Variants in UBQLN1 observed in about 807,000 individuals in gnomAD.
UBQLN1 encodes the protein ubiquilin-1.
A neutral mutation model predicts 65.4 loss-of-function variants in UBQLN1; 13 were observed. The observed-to-expected ratio is 0.20, with a 90% CI of 0.13 to 0.32. UBQLN1 has a LOEUF of 0.32. Ranked by LOEUF, UBQLN1 falls within the 10% of genes least tolerant of loss-of-function variation. The pLI, the probability that UBQLN1 is intolerant of heterozygous loss-of-function variation, is 1.00. For missense variants in UBQLN1, 561 were observed against 724.0 expected, an observed-to-expected ratio of 0.77 and a Z score of 2.58; for synonymous variants, 267 against 247.8, an observed-to-expected ratio of 1.08 and a Z score of -0.73.
chr9:83,666,955 C>T (rs1376648086), intron 7 of UBQLN1: 1 of 152,300 alleles, frequency 6.6e-6, no homozygotes, highest in African/African-American at 2.4e-5. Flanking sequence ...AAAAAAATAA[C>T]ACCGCAAAAC....
intron 2 of UBQLN1, among the ~76,000 whole-genome samples, 186 bp from the exon 3 acceptor site, chr9:83,683,252 C>G (rs1378009423): frequency 6.6e-6 from 1 of 151,736 alleles, no homozygotes; most frequent in African/African-American, 2.4e-5. Flanking sequence ...CTCTACTAAA[C>G]ATACAAAAAA....
At chr9:83,697,548 T>G (rs546132530) in intron 1 of UBQLN1, among the ~76,000 whole-genome samples, 2 of 68,072 alleles carry the variant, frequency 2.9e-5, no homozygotes, top group African/African-American at 1.6e-4. Flanking sequence ...CAAGACACTG[T>G]CTCAAAAAAA....
intron 3 of UBQLN1, among the ~76,000 whole-genome samples, chr9:83,682,178 G>T (rs757733212): frequency 6.6e-6 from 1 of 151,996 alleles, no homozygotes; most frequent in African/African-American, 2.4e-5. Flanking sequence ...CCAGCTACTC[G>T]GGAGGCTGAG....
Position 83,683,167 on chromosome 9 carries a change from C to A in UBQLN1, c.333-101G>T, listed in dbSNP as rs1831974891. On this transcript the variant is annotated intron_variant, in intron 2 of 10. Coordinates refer to ENST00000376395, the MANE Select transcript of UBQLN1 (RefSeq NM_013438.5). Reference sequence around the variant, plus strand: ...GTGGCTCACGCCTGTAATCCCAGCACTTTGGGAGGCCGAAGCTGGCTGATC... The same window carrying A: ...GTGGCTCACGCCTGTAATCCCAGCAATTTGGGAGGCCGAAGCTGGCTGATC... 6 of 694,174 alleles carry A rather than the reference C, an allele frequency of 8.6e-6. 1 individual carries two copies. The highest frequency in any genetic ancestry group is 1.4e-5 in the Non-Finnish European group (6 of 418,982). The allele number at this position is 694,174 out of a possible 1,614,324, so 43.0% of individuals were successfully genotyped here. A position where few individuals can be genotyped will look rare whatever the true frequency, so the allele number is the denominator to read the frequency against.
At position 83,679,804 on chromosome 9, in the gene UBQLN1, T is replaced by C; in HGVS notation, c.682A>G (p.Met228Val). The C allele has an allele frequency of 6.2e-7, 1 of 1,614,144 alleles. No homozygotes were observed. The highest frequency in any genetic ancestry group is 2.2e-5 in the East Asian group (1 of 44,878). The change falls in exon 4 of 11, where the codon ATG becomes GTG. Residue 228 changes from methionine (M) to valine (V), a missense_variant. By Grantham distance (21) the Met-to-Val change is conservative (BLOSUM62 1). Around this residue, in one of 8 missense-constraint regions of UBQLN1, gnomAD observed 75 missense variants for 138.9 expected, o/e 0.54. Coordinates refer to ENST00000376395, the MANE Select transcript of UBQLN1 (RefSeq NM_013438.5). ...CTCATTATATCTGGATTATTCAACATATGACTAATTTCTGGATTTCTCTGT... is the reference window on the plus strand; with the variant it reads ...CTCATTATATCTGGATTATTCAACACATGACTAATTTCTGGATTTCTCTGT... ...LIQRNPEISH[M>V]LNNPDIMRQT...
At chr9:83,682,395 C>T (rs533752273) in intron 3 of UBQLN1, among the ~76,000 whole-genome samples, 17 of 151,744 alleles carry the variant, frequency 1.1e-4, no homozygotes, top group Non-Finnish European at 2.2e-4. Flanking sequence ...AGCAGGACAC[C>T]GTAAGCCAGG....
At chr9:83,666,538 GGGA>G in intron 7 of UBQLN1, 105 bp from the exon 8 acceptor site, 1 of 1,018,436 alleles carries the variant, frequency 9.8e-7, no homozygotes, top group Non-Finnish European at 1.5e-6. Context: ...GCACTTAAAA[GGGA>G]GGAAGGTAGA....
chr9:83,662,269 C>A (rs7030866), intron 10 of UBQLN1, among the ~76,000 whole-genome samples: 2 of 114,578 alleles, frequency 1.7e-5, no homozygotes, highest in African/African-American at 7.7e-5. Flanking sequence ...TATACATATA[C>A]ATATACACAC....
At chr9:83,669,084 A>T in intron 7 of UBQLN1, 101 bp downstream of exon 7, 1 of 1,362,982 alleles carries the variant, frequency 7.3e-7, no homozygotes, top group Non-Finnish European at 9.8e-7. Flanking sequence ...CTAGTGTATT[A>T]AGATATCATA....
chr9:83,667,232 T>C (rs944937025), intron 7 of UBQLN1: 1 of 152,186 alleles, frequency 6.6e-6, no homozygotes, highest in African/African-American at 2.4e-5. Flanking sequence ...AAGATTAAAA[T>C]ACACAAGGAG....
chr9:83,671,909 A>T (rs1279643828), intron 6 of UBQLN1, among the ~76,000 whole-genome samples: 3 of 152,222 alleles, frequency 2.0e-5, no homozygotes, highest in Non-Finnish European at 4.4e-5. Context: ...CACCTACATT[A>T]AAAACTGGTT....
intron 7 of UBQLN1, 83 bp from the exon 8 acceptor site, chr9:83,666,516 G>C: frequency 7.3e-7 from 1 of 1,367,840 alleles, no homozygotes; most frequent in South Asian, 1.2e-5. Context: ...CTTCCCCCAA[G>C]TGCCTCAGCT....
intron 1 of UBQLN1, among the ~76,000 whole-genome samples, chr9:83,700,370 T>C (rs1466016162): frequency 6.6e-6 from 1 of 152,106 alleles, no homozygotes; most frequent in Non-Finnish European, 1.5e-5. Flanking sequence ...TCAGTAAAGG[T>C]TCAACAATAA....
At chr9:83,673,580 A>AAAAAAAAC (rs1554727531) in intron 6 of UBQLN1, among the ~76,000 whole-genome samples, 1 of 109,562 alleles carries the variant, frequency 9.1e-6, no homozygotes, top group African/African-American at 4.1e-5. Flanking sequence ...AAAAAAAAAA[A>AAAAAAAAC]CTGCGCTTAC....
At chr9:83,666,714 C>T (rs1311737728) in intron 7 of UBQLN1, 2 of 289,110 alleles carry the variant, frequency 6.9e-6, no homozygotes, top group Non-Finnish European at 1.3e-5. Context: ...TTAGGCTTTT[C>T]CTTGAACAAA....
intron 1 of UBQLN1, among the ~76,000 whole-genome samples, chr9:83,703,031 C>T (rs114701197): frequency 1.8e-4 from 27 of 152,214 alleles, no homozygotes; most frequent in Middle Eastern, 3.4e-3. Flanking sequence ...AGAAGTTACA[C>T]AGAAACTCCC....
intron 1 of UBQLN1, among the ~76,000 whole-genome samples, chr9:83,690,565 T>C (rs1587656406): frequency 6.6e-6 from 1 of 152,262 alleles, no homozygotes; most frequent in East Asian, 1.9e-4. Context: ...AAGTTGGCTG[T>C]GAACTTTTAA....
chr9:83,674,124 T>C (rs947984598), intron 6 of UBQLN1, among the ~76,000 whole-genome samples: 1 of 151,558 alleles, frequency 6.6e-6, no homozygotes, highest in African/African-American at 2.4e-5. Context: ...TGTTGTTCAG[T>C]ATACTACTAC....
intron 6 of UBQLN1, among the ~76,000 whole-genome samples, chr9:83,672,518 G>C (rs1382367851): frequency 6.6e-6 from 1 of 152,204 alleles, no homozygotes; most frequent in Admixed American, 6.5e-5. Context: ...GACCCAAGAA[G>C]AGGAAGAGAG....
Sources: gnomAD v4.1 joint callset for allele counts (sites outside exome capture counted in the v4.1 genomes callset) on GRCh38, gnomAD v4.1.1 for gene constraint, gnomAD v4.1.1 regional missense constraint, MANE v1.5 for transcripts, NCBI Gene and HGNC (gene_info 2026-07-23, HGNC 2026-07-21) for gene names.